The following SREBF2 variants were observed in gnomAD, a reference collection of about 807,000 sequenced individuals.
SREBF2 encodes the protein sterol regulatory element-binding protein 2.
A neutral mutation model predicts 113.1 loss-of-function variants in SREBF2; 55 were observed. That is an observed-to-expected ratio of 0.49 (90% CI 0.39 to 0.61). SREBF2 has a LOEUF of 0.61. SREBF2 is among the 20% of genes least tolerant of loss of function. The pLI is 0.00. For synonymous variants in SREBF2, 593 were observed against 605.7 expected (o/e 0.98, Z 0.31); for missense variants, 1,349 against 1,487.4 (o/e 0.91, Z 1.53).
chr22:41,877,870 TG>T, intron 8 of SREBF2, 71 bp from the exon 9 acceptor site: 1 of 1,496,694 alleles, frequency 6.7e-7, no homozygotes, highest in Non-Finnish European at 9.3e-7. Flanking sequence ...GTGATAGTGC[TG>T]GGGTCTGTCA....
chr22:41,854,195 C>T (rs1215842170), intron 1 of SREBF2, among the ~76,000 whole-genome samples: 1 of 151,712 alleles, frequency 6.6e-6, no homozygotes, highest in Non-Finnish European at 1.5e-5. Flanking sequence ...TGGCGTTTCA[C>T]TCTTGCCACC....
intron 15 of SREBF2, 108 bp from the exon 16 acceptor site, chr22:41,900,222 C>T: frequency 1.3e-6 from 2 of 1,548,246 alleles, no homozygotes; most frequent in South Asian, 1.2e-5. Flanking sequence ...TCAACAGATG[C>T]ACATGTCATA....
intron 1 of SREBF2, among the ~76,000 whole-genome samples, chr22:41,854,423 A>C (rs955634445): frequency 4.0e-5 from 6 of 151,244 alleles, no homozygotes; most frequent in African/African-American, 1.5e-4. Context: ...CGGCCTCCCA[A>C]AGTGCTGAGA....
chr22:41,838,874 C>T (rs1261277117), intron 1 of SREBF2, among the ~76,000 whole-genome samples: 1 of 152,148 alleles, frequency 6.6e-6, no homozygotes, highest in Non-Finnish European at 1.5e-5. Flanking sequence ...AAGTGGCCCT[C>T]ATTCAAATAC....
chr22:41,837,556 T>TAAAA (rs764852977), intron 1 of SREBF2, among the ~76,000 whole-genome samples: 1 of 75,416 alleles, frequency 1.3e-5, no homozygotes. Context: ...AGACTCTGTC[T>TAAAA]AAAAAAAAAA....
At chr22:41,837,574 A>T (rs2076788653) in intron 1 of SREBF2, among the ~76,000 whole-genome samples, 1 of 142,110 alleles carries the variant, frequency 7.0e-6, no homozygotes. Context: ...AAAAAAAAAA[A>T]AATGCTGGAC....
At position 41,892,749 on chromosome 22, in the gene SREBF2, G is replaced by A. The variant is rs548033314; in HGVS notation, c.2209-368G>A. Among the ~76,000 whole-genome samples, 18 of 152,160 alleles carry A rather than the reference G, an allele frequency of 1.2e-4. No homozygotes were observed. In the South Asian group the frequency reaches 1.5e-3, roughly 12 times the overall value. ...GCCGAGGGGAAAGTACAGCAGCCAG[G>A]GGGCCCCTGAGACCCCTCCTTGGGA... On this transcript the variant is annotated intron_variant, in intron 11 of 18. Coordinates refer to ENST00000361204, the MANE Select transcript of SREBF2 (RefSeq NM_004599.4).
intron 14 of SREBF2, among the ~76,000 whole-genome samples, chr22:41,898,398 G>A (rs1218931894): frequency 4.6e-5 from 7 of 152,224 alleles, no homozygotes; most frequent in African/African-American, 1.2e-4. Flanking sequence ...GATTACAGGC[G>A]TGAGCCACCG....
intron 1 of SREBF2, among the ~76,000 whole-genome samples, chr22:41,850,992 C>G (rs555769904): frequency 1.3e-5 from 2 of 152,154 alleles, no homozygotes; most frequent in East Asian, 3.9e-4. Context: ...CCGCCCACCT[C>G]GGCCTCCCAA....
At chr22:41,841,328 G>T (rs1035977889) in intron 1 of SREBF2, among the ~76,000 whole-genome samples, 2 of 152,206 alleles carry the variant, frequency 1.3e-5, no homozygotes, top group Non-Finnish European at 2.9e-5. Context: ...TATGAGGGTT[G>T]CTAACGTTTG....
chr22:41,862,627 A>T (rs1478626287), intron 1 of SREBF2, among the ~76,000 whole-genome samples: 1 of 152,210 alleles, frequency 6.6e-6, no homozygotes, highest in Non-Finnish European at 1.5e-5. Context: ...CAGAGCAGGG[A>T]ACAGTGAGGA....
At chr22:41,893,092 AC>A (rs2077379867) in intron 11 of SREBF2, 24 bp from the exon 12 acceptor site, 1 of 1,611,616 alleles carries the variant, frequency 6.2e-7, no homozygotes, top group Non-Finnish European at 8.5e-7. Context: ...CCTTGGTGTT[AC>A]CCCTGGTCCT....
intron 1 of SREBF2, among the ~76,000 whole-genome samples, chr22:41,836,786 G>A (rs538263393): frequency 7.8e-4 from 119 of 152,308 alleles, no homozygotes; most frequent in African/African-American, 2.8e-3. Flanking sequence ...GTGAGGAAGG[G>A]GAGAGGCAGG....
chr22:41,875,520 A>G, intron 6 of SREBF2, 23 bp from the exon 7 acceptor site: 1 of 1,614,200 alleles, frequency 6.2e-7, no homozygotes, highest in Non-Finnish European at 8.5e-7. Flanking sequence ...GATCATTTTC[A>G]CCAGGTGGGG....
chr22:41,851,890 G>C (rs907590390), intron 1 of SREBF2, among the ~76,000 whole-genome samples: 19 of 152,106 alleles, frequency 1.2e-4, no homozygotes, highest in Middle Eastern at 3.4e-3. Flanking sequence ...TGGGGCCAAG[G>C]GGGGTGGATC....
chr22:41,852,206 A>G (rs747318811), intron 1 of SREBF2, among the ~76,000 whole-genome samples: 6 of 150,976 alleles, frequency 4.0e-5, no homozygotes, highest in Non-Finnish European at 7.4e-5. Flanking sequence ...AGGAAGGAAA[A>G]AACCAGAAAA....
chr22:41,864,466 G>A (rs951962359), intron 1 of SREBF2, among the ~76,000 whole-genome samples: 4 of 149,616 alleles, frequency 2.7e-5, no homozygotes, highest in Non-Finnish European at 5.9e-5. Flanking sequence ...GACTACAGGC[G>A]CCCACCACCA....
At chr22:41,874,680 G>A (rs1454372117) in intron 5 of SREBF2, among the ~76,000 whole-genome samples, 1 of 152,184 alleles carries the variant, frequency 6.6e-6, no homozygotes, top group East Asian at 1.9e-4. Context: ...GGCTGAGGCG[G>A]GTGGATCACG....
At position 41,870,740 on chromosome 22, in the gene SREBF2, A is replaced by G. The variant is rs748805710; in HGVS notation, c.721-149A>G. 529 of 1,159,976 alleles carry G rather than the reference A, an allele frequency of 4.6e-4. 3 individuals are homozygous for G. Among genetic ancestry groups the G allele is most frequent in the Non-Finnish European group, 2.0e-4 (164 of 813,820 alleles). 71.9% of individuals were successfully genotyped at this position (1,159,976 alleles called of 1,614,324 possible). ...ATAGCCGGCTTTTGAAATGGCCTCT[A>G]TGAAATTTCCTGTTCATTTTTTTAT... On this transcript the variant is annotated intron_variant, in intron 3 of 18. Transcript: ENST00000361204.
Sources: gnomAD v4.1 joint callset for allele counts (sites outside exome capture counted in the v4.1 genomes callset) on GRCh38, gnomAD v4.1.1 for gene constraint, MANE v1.5 for transcripts, NCBI Gene and HGNC (gene_info 2026-07-23, HGNC 2026-07-21) for gene names.